The following SHC4 variants were observed in gnomAD, a reference collection of about 807,000 sequenced individuals.
The protein encoded by SHC4 is SHC-transforming protein 4.
A neutral mutation model predicts 69.4 loss-of-function variants in SHC4; 41 were observed. The ratio of observed to expected loss-of-function variants is 0.59; its 90% CI spans 0.46 to 0.77. The LOEUF (loss-of-function observed/expected upper bound fraction) is 0.77. Among genes scored for constraint, SHC4 ranks in the 30% least tolerant of loss-of-function variants. SHC4 has a pLI of 0.00. For synonymous variants in SHC4, 318 were observed against 299.3 expected, an observed-to-expected ratio of 1.06 and a Z score of -0.64; for missense variants, 777 against 783.8, an observed-to-expected ratio of 0.99 and a Z score of 0.10.
intron 2 of SHC4, among the ~76,000 whole-genome samples, chr15:48,912,691 T>C (rs1900530694): frequency 6.6e-6 from 1 of 152,122 alleles, no homozygotes; most frequent in Non-Finnish European, 1.5e-5. Flanking sequence ...CCCGGGTTGG[T>C]TTTCTGGTTC....
At chr15:48,828,436 A>T (rs1010869532) in intron 11 of SHC4, among the ~76,000 whole-genome samples, 2 of 152,130 alleles carry the variant, frequency 1.3e-5, no homozygotes, top group African/African-American at 4.8e-5. Context: ...CCTCTTGACT[A>T]TTGTGAATAA....
intron 1 of SHC4, among the ~76,000 whole-genome samples, chr15:48,959,877 T>C (rs921856688): frequency 3.3e-5 from 5 of 152,172 alleles, no homozygotes; most frequent in African/African-American, 4.8e-5. Flanking sequence ...CACAGGAGAT[T>C]TGGGCTCTAG....
intron 2 of SHC4, among the ~76,000 whole-genome samples, chr15:48,917,648 A>T (rs1057276343): frequency 6.6e-6 from 1 of 152,198 alleles, no homozygotes; most frequent in Non-Finnish European, 1.5e-5. Context: ...GAGGAACAAC[A>T]GTAAAAGCCA....
chr15:48,856,964 C>G (rs1435207423), intron 7 of SHC4, among the ~76,000 whole-genome samples: 1 of 152,160 alleles, frequency 6.6e-6, no homozygotes, highest in African/African-American at 2.4e-5. Context: ...CCCTAGACTA[C>G]CTCATAAAAG....
intron 2 of SHC4, among the ~76,000 whole-genome samples, chr15:48,896,142 C>T (rs1333720088): frequency 6.6e-6 from 1 of 151,966 alleles, no homozygotes; most frequent in Non-Finnish European, 1.5e-5. Flanking sequence ...ATGAGCCATG[C>T]CTCTCTCCAG....
rs1293270724 is a variant in SHC4, at chr15:48,835,035, C to T, written c.1484-13G>A. On this transcript the variant is annotated splice_polypyrimidine_tract_variant and intron_variant, in intron 10 of 11. Coordinates refer to ENST00000332408, the MANE Select transcript of SHC4 (RefSeq NM_203349.4). ...GTTTCTGGTGCCTCTGAAGTCAGAACACAAAGAGAGACATCATCGAGTTAC... is the reference window on the plus strand; with the variant it reads ...GTTTCTGGTGCCTCTGAAGTCAGAATACAAAGAGAGACATCATCGAGTTAC... 9 of 1,602,764 alleles carry T rather than the reference C, an allele frequency of 5.6e-6. No individual in the cohort carries two copies. Among genetic ancestry groups the T allele is most frequent in the South Asian group, 4.5e-5 (4 of 89,346 alleles).
rs150562701 is a variant in SHC4 at position 48,856,068 on chromosome 15, T to C, written c.1127A>G (p.Asn376Ser). The C allele has an allele frequency of 9.2e-5, 148 of 1,613,796 alleles. No individual in the cohort carries two copies. Among genetic ancestry groups the C allele is most frequent in the Non-Finnish European group, 1.2e-4 (136 of 1,179,870 alleles). The change falls in exon 8 of 12, where the codon AAT (asparagine) becomes AGT (serine). Residue 376 changes from asparagine to serine, a missense_variant. Asn to Ser is a conservative substitution (Grantham distance 46, BLOSUM62 1). Coordinates refer to ENST00000332408, the MANE Select transcript of SHC4 (RefSeq NM_203349.4). ...AEEREDHEYYNEIPGKQPPVG... is the reference protein window; with the variant it reads ...AEEREDHEYYSEIPGKQPPVG... The stretch of plus-strand genomic sequence containing the variant: ...TGGTGGCTGCTTCCCTGGAATTTCA[T>C]TGTAATATTCATGATCTTCTCTCTC...
chr15:48,890,891 T>C (rs192391369), intron 2 of SHC4, 80 bp from the exon 3 acceptor site: 390 of 1,484,262 alleles, frequency 2.6e-4, no homozygotes, highest in Middle Eastern at 1.5e-3. Flanking sequence ...TTAGAAATTA[T>C]CACGACCAAA....
rs1413159970 is a variant in SHC4 at position 48,853,135 on chromosome 15, C to T, written c.1243-1887G>A. Among the ~76,000 whole-genome samples the T allele has an allele frequency of 6.6e-5, 10 of 151,840 alleles. No individual in the cohort carries two copies. The East Asian group carries it at 1.2e-3, about 18-fold the overall frequency. ...GAACTGATAAACTTCAATAAAGTTT[C>T]GGGACACAAAAGCAATGTACAAAAA... On this transcript the variant is annotated intron_variant, in intron 8 of 11. Coordinates refer to ENST00000332408, the MANE Select transcript of SHC4 (RefSeq NM_203349.4).
At chr15:48,957,812 G>A (rs1901479615) in intron 1 of SHC4, among the ~76,000 whole-genome samples, 1 of 152,176 alleles carries the variant, frequency 6.6e-6, no homozygotes, top group Admixed American at 6.5e-5. Flanking sequence ...AGATGAGAGT[G>A]AGCCCTAATC....
intron 2 of SHC4, among the ~76,000 whole-genome samples, chr15:48,898,076 T>C (rs1304736055): frequency 4.6e-5 from 7 of 152,222 alleles, no homozygotes; most frequent in African/African-American, 1.7e-4. Context: ...TGCACATCCA[T>C]GTGGTATCAT....
intron 2 of SHC4, among the ~76,000 whole-genome samples, chr15:48,896,723 A>G (rs146772572): frequency 7.2e-5 from 11 of 152,330 alleles, no homozygotes; most frequent in African/African-American, 2.6e-4. Context: ...AGGTTAAGAA[A>G]TACTGCTTTA....
intron 10 of SHC4, among the ~76,000 whole-genome samples, chr15:48,836,248 C>T (rs992242307): frequency 6.6e-6 from 1 of 152,042 alleles, no homozygotes; most frequent in Non-Finnish European, 1.5e-5. Flanking sequence ...AGTTGTAGAT[C>T]TGAAATTCGA....
intron 2 of SHC4, among the ~76,000 whole-genome samples, chr15:48,892,641 G>C (rs1900156243): frequency 6.6e-6 from 1 of 151,990 alleles, no homozygotes; most frequent in South Asian, 2.1e-4. Flanking sequence ...TTAATAAAGA[G>C]GTATTATAAG....
chr15:48,843,441 G>A lies in SHC4; in HGVS notation c.1451C>T (p.Ala484Val). Residue 484 changes from alanine (A) to valine (V), a missense_variant, in exon 10 of 12, where the codon GCC (alanine) becomes GTC (valine). Ala to Val is a moderately conservative substitution (Grantham distance 64, BLOSUM62 0). Coordinates refer to ENST00000332408, the MANE Select transcript of SHC4 (RefSeq NM_203349.4). ...GTGCCATGGGCTCCCCAGTGGTTGG[G>A]CTGACCTTTGATTTCCAGCAGAGCC... ...TPGSAGNQRSAQPLGSPWHCG... is the reference protein window; with the variant it reads ...TPGSAGNQRSVQPLGSPWHCG... The A allele has an allele frequency of 6.2e-7, 1 of 1,613,742 alleles. No homozygotes were observed. Among genetic ancestry groups the A allele is most frequent in the Non-Finnish European group, 8.5e-7 (1 of 1,179,754 alleles).
At position 48,919,905 on chromosome 15, in the gene SHC4, G is replaced by A. The variant is rs559667254; in HGVS notation, c.656+4974C>T. On this transcript the variant is annotated intron_variant, in intron 2 of 11. Coordinates refer to ENST00000332408, the MANE Select transcript of SHC4 (RefSeq NM_203349.4). ...ATACCAGATATCTTCCCCTTGGTGT[G>A]TATGTTAGACATAACTGAATCCTCA... Among the ~76,000 whole-genome samples the A allele has an allele frequency of 7.3e-5, 11 of 151,634 alleles. No homozygotes were observed. In the South Asian group the frequency reaches 2.3e-3, roughly 32 times the overall value.
Position 48,824,651 on chromosome 15 carries a change from C to G in SHC4, c.*1320G>C, listed in dbSNP as rs928958558. The G allele has an allele frequency of 2.0e-5, 3 of 152,170 alleles. No individual in the cohort carries two copies. Among genetic ancestry groups the G allele is most frequent in the African/African-American group, 7.2e-5 (3 of 41,446 alleles). The allele number at this position is 152,170 out of a possible 1,614,324, so 9.4% of individuals were successfully genotyped here. A position where few individuals can be genotyped will look rare whatever the true frequency, so the allele number is the denominator to read the frequency against. On this transcript the variant is annotated 3_prime_UTR_variant, in exon 12 of 12. Transcript: ENST00000332408. ...AGCTTAATTTTTTACCTTAACTATA[C>G]AGACTGGTTATCAATAACGACCTCT...
chr15:48,825,791 T>G lies in SHC4; in HGVS notation c.*180A>C. The G allele has an allele frequency of 1.5e-6, 1 of 671,384 alleles. No homozygotes were observed. The highest frequency in any genetic ancestry group is 2.9e-5 in the East Asian group (1 of 34,146). 41.6% of individuals were successfully genotyped at this position (671,384 alleles called of 1,614,324 possible). A position where few individuals can be genotyped will look rare whatever the true frequency, so the allele number is the denominator to read the frequency against. ...CTCTTCCTCTTTTCTGATTTTCATT[T>G]CTGAAGACTAATTTTTGTTAGTTCT... On this transcript the variant is annotated 3_prime_UTR_variant, in exon 12 of 12. Coordinates refer to ENST00000332408, the MANE Select transcript of SHC4 (RefSeq NM_203349.4).
At chr15:48,843,123 G>C (rs1353960239) in intron 10 of SHC4, among the ~76,000 whole-genome samples, 1 of 152,116 alleles carries the variant, frequency 6.6e-6, no homozygotes, top group Non-Finnish European at 1.5e-5. Context: ...GAAGGAGAGG[G>C]AGATCAAGAA....
Sources: allele counts gnomAD v4.1 joint callset (sites outside exome capture counted in the v4.1 genomes callset), GRCh38; gene constraint gnomAD v4.1.1; transcripts MANE v1.5; gene names NCBI Gene and HGNC (gene_info 2026-07-23, HGNC 2026-07-21).